GRIP1: variants seen among roughly 807,000 people sequenced by gnomAD.
GRIP1 encodes the protein glutamate receptor-interacting protein 1.
Under a neutral mutation model 129.9 loss-of-function variants are expected in GRIP1, and 45 were observed. That is an observed-to-expected ratio of 0.35 (90% confidence interval 0.27 to 0.44). GRIP1 has a LOEUF of 0.44. GRIP1 is among the 20% of genes least tolerant of loss of function. The pLI is 1.00. For missense variants in GRIP1, 1,196 were observed against 1,396.8 expected (o/e 0.86, Z 2.29); for synonymous variants, 530 against 520.8 (o/e 1.02, Z -0.24).
chr12:66,544,632 A>G (rs1466951154), intron 2 of GRIP1, among the ~76,000 whole-genome samples: 2 of 152,242 alleles, frequency 1.3e-5, no homozygotes, highest in African/African-American at 2.4e-5. Flanking sequence ...GAGTAAAGAT[A>G]GAACATACTT....
At chr12:66,603,184 A>G (rs997857852) in intron 1 of GRIP1, among the ~76,000 whole-genome samples, 73 of 28,058 alleles carry the variant, frequency 2.6e-3, no homozygotes, top group African/African-American at 0.015. Context: ...GAACTTTGGA[A>G]AAAAAAAAAC....
chr12:66,592,181 C>G (rs2063872865), intron 2 of GRIP1, among the ~76,000 whole-genome samples: 1 of 152,108 alleles, frequency 6.6e-6, no homozygotes, highest in Admixed American at 6.5e-5. Context: ...CCAGCTCCTC[C>G]CTGGTGTCAA....
At chr12:66,658,116 A>G (rs1281329243) in intron 1 of GRIP1, among the ~76,000 whole-genome samples, 1 of 152,182 alleles carries the variant, frequency 6.6e-6, no homozygotes, top group Non-Finnish European at 1.5e-5. Flanking sequence ...ATAAACATAA[A>G]TAAACATATA....
At chr12:66,636,753 G>C (rs142440060) in intron 1 of GRIP1, among the ~76,000 whole-genome samples, 9 of 133,932 alleles carry the variant, frequency 6.7e-5, no homozygotes, top group Non-Finnish European at 1.5e-4. Flanking sequence ...GTGTGTGTGT[G>C]TCTCACTCTC....
chr12:66,364,843 T>C (rs988049209), intron 23 of GRIP1, among the ~76,000 whole-genome samples: 6 of 152,122 alleles, frequency 3.9e-5, no homozygotes, highest in Non-Finnish European at 8.8e-5. Flanking sequence ...CCTCTCTTTT[T>C]TTCTTTACTC....
rs138175003 is a variant in GRIP1 at position 66,637,622 on chromosome 12, G to A, written c.56-40695C>T. ...ATAAACAGTTAAAGTAATTAAGCTC[G>A]ACTTAAAAATTTCAACTTCTTATTT... On this transcript the variant is annotated intron_variant, in intron 1 of 24. Transcript: ENST00000359742. 5.8e-4 allele frequency among the ~76,000 whole-genome samples: 88 copies of A among 151,512 alleles called. 1 individual carries two copies. In the East Asian group the frequency reaches 0.017, roughly 29 times the overall value.
At chr12:66,560,813 G>C (rs552247007) in intron 2 of GRIP1, among the ~76,000 whole-genome samples, 1 of 152,058 alleles carries the variant, frequency 6.6e-6, no homozygotes, top group African/African-American at 2.4e-5. Context: ...ATCCCTAGCA[G>C]CATATACCCA....
At chr12:66,682,138 A>G (rs1190924717), upstream of GRIP1, among the ~76,000 whole-genome samples, 1 of 152,138 alleles carries the variant, frequency 6.6e-6, no homozygotes, top group African/African-American at 2.4e-5. Context: ...CCAATACAAA[A>G]TGTGATCTAG....
chr12:66,967,802 C>T (rs2042018624), intron 1 of GRIP1, among the ~76,000 whole-genome samples: 1 of 152,158 alleles, frequency 6.6e-6, no homozygotes. Flanking sequence ...AGTCTGAGTA[C>T]ATACTTTGTA....
chr12:67,004,160 G>A (rs1319294932), intron 1 of GRIP1, among the ~76,000 whole-genome samples: 1 of 152,126 alleles, frequency 6.6e-6, no homozygotes, highest in Admixed American at 6.6e-5. Flanking sequence ...TCTAAATAGG[G>A]TAAAATTTAC....
intron 7 of GRIP1, among the ~76,000 whole-genome samples, chr12:66,505,833 G>A (rs1317130986): frequency 1.3e-5 from 2 of 151,908 alleles, no homozygotes; most frequent in Non-Finnish European, 2.9e-5. Flanking sequence ...CAATATATAA[G>A]GAAATCATAT....
Position 66,550,179 on chromosome 12 carries a change from A to T in GRIP1, c.137-8229T>A, listed in dbSNP as rs1048549722. Among the ~76,000 whole-genome samples, 701 of 152,350 alleles carry T rather than the reference A, an allele frequency of 4.6e-3. 6 individuals are homozygous for T. Among genetic ancestry groups the T allele is most frequent in the African/African-American group, 0.016 (662 of 41,586 alleles). Reference sequence around the variant, plus strand: ...TATTAAGCTTTCCAATGTCAAACTTATTAACAAGTTATTTAGTTTTCACGG... The same window carrying T: ...TATTAAGCTTTCCAATGTCAAACTTTTTAACAAGTTATTTAGTTTTCACGG... On this transcript the variant is annotated intron_variant, in intron 2 of 24. Coordinates refer to ENST00000359742, the MANE Select transcript of GRIP1 (RefSeq NM_001366722.1).
chr12:66,557,486 C>T (rs904625255), intron 2 of GRIP1, among the ~76,000 whole-genome samples: 6 of 152,244 alleles, frequency 3.9e-5, no homozygotes, highest in South Asian at 4.1e-4. Context: ...TTGGTATCTA[C>T]GGAACATTTT....
At chr12:66,808,444 C>T (rs1403160505), upstream of GRIP1, among the ~76,000 whole-genome samples, 1 of 152,016 alleles carries the variant, frequency 6.6e-6, no homozygotes, top group African/African-American at 2.4e-5. Flanking sequence ...ATTACAGGCG[C>T]CTGCCACCAT....
At chr12:66,637,661 T>C (rs1327336645) in intron 1 of GRIP1, among the ~76,000 whole-genome samples, 1 of 152,146 alleles carries the variant, frequency 6.6e-6, no homozygotes, top group East Asian at 1.9e-4. Flanking sequence ...TCATTCAAAA[T>C]CTGAGCCCGC....
chr12:66,766,680 G>A (rs112316960), intron 1 of GRIP1, among the ~76,000 whole-genome samples: 10 of 152,140 alleles, frequency 6.6e-5, no homozygotes, highest in African/African-American at 1.9e-4. Flanking sequence ...CAGTACAGGA[G>A]GTTCTCACGT....
intron 3 of GRIP1, among the ~76,000 whole-genome samples, chr12:66,540,962 C>CTT (rs1256003724): frequency 6.8e-6 from 1 of 148,028 alleles, no homozygotes; most frequent in African/African-American, 2.5e-5. Flanking sequence ...TCACACCTGG[C>CTT]TTTTTTTTTT....
chr12:66,897,611 A>T (rs1171750427), intron 1 of GRIP1, among the ~76,000 whole-genome samples: 1 of 152,210 alleles, frequency 6.6e-6, no homozygotes, highest in African/African-American at 2.4e-5. Context: ...TAAACAGACA[A>T]GGGTTTTCTC....
intron 1 of GRIP1, among the ~76,000 whole-genome samples, chr12:66,809,735 C>T (rs185913467): frequency 9.2e-5 from 14 of 151,480 alleles, no homozygotes; most frequent in Non-Finnish European, 1.5e-4. Context: ...TCACAGCTCA[C>T]TACAGCCTCC....
Sources: allele counts gnomAD v4.1 joint callset (sites outside exome capture counted in the v4.1 genomes callset), GRCh38; gene constraint gnomAD v4.1.1; transcripts MANE v1.5; gene names NCBI Gene and HGNC (gene_info 2026-07-23, HGNC 2026-07-21).